The following FCRL4 variants were observed in gnomAD, a reference collection of about 807,000 sequenced individuals.
The protein encoded by FCRL4 is Fc receptor-like protein 4.
A neutral mutation model predicts 64.1 loss-of-function variants in FCRL4; 43 were observed. The observed-to-expected ratio is 0.67, with a 90% CI of 0.53 to 0.87. The LOEUF (loss-of-function observed/expected upper bound fraction) is 0.87, where lower values mean the gene tolerates loss of function less well. Ranked by LOEUF, FCRL4 falls within the 40% of genes least tolerant of loss-of-function variation. The pLI is 0.00. For missense variants in FCRL4, 656 were observed against 613.5 expected (o/e 1.07, Z -0.73); for synonymous variants, 253 against 239.8 (o/e 1.05, Z -0.51).
intron 2 of FCRL4, among the ~76,000 whole-genome samples, chr1:157,592,909 A>C (rs1275205992): frequency 6.6e-6 from 1 of 152,246 alleles, no homozygotes; most frequent in African/African-American, 2.4e-5. Flanking sequence ...TGCAGCCATA[A>C]AAAATGATGA....
chr1:157,575,731 C>T lies in FCRL4; in HGVS notation c.1430-1G>A, dbSNP rs374476793. 63 of 1,613,592 alleles carry T rather than the reference C, an allele frequency of 3.9e-5. No homozygotes were observed. Among genetic ancestry groups the T allele is most frequent in the Non-Finnish European group, 4.8e-5 (57 of 1,179,736 alleles). ...TCTAGAAGTGTCCTGGAGGTATTAG[C>T]TGTGGACAGAAAGAGAATCACTGGA... is the stretch of plus-strand genomic sequence containing the variant. On this transcript the variant is annotated splice_acceptor_variant, in intron 10 of 11. Coordinates refer to ENST00000271532, the MANE Select transcript of FCRL4 (RefSeq NM_031282.3). LOFTEE classifies it high-confidence loss of function.
chr1:157,589,067 G>A, intron 3 of FCRL4, 137 bp downstream of exon 3: 2 of 962,012 alleles, frequency 2.1e-6, no homozygotes, highest in Admixed American at 2.7e-5. Flanking sequence ...GTAGACATTG[G>A]AGGGAAAATA....
At chr1:157,581,407 C>T in intron 7 of FCRL4, 124 bp downstream of exon 7, 2 of 728,156 alleles carry the variant, frequency 2.7e-6, no homozygotes, top group Non-Finnish European at 4.6e-6. Flanking sequence ...TGTGTGAACG[C>T]TGGGAGTGGA....
rs1302854473 is a variant in FCRL4 at position 157,575,284 on chromosome 1, T to A, written c.*240A>T. Reference sequence around the variant, plus strand: ...ATTAGGTCAGGCCCACAGCAAATACTACAGGGTCTTCTCTTAACTGTGGAT... The same window carrying A: ...ATTAGGTCAGGCCCACAGCAAATACAACAGGGTCTTCTCTTAACTGTGGAT... On this transcript the variant is annotated 3_prime_UTR_variant, in exon 12 of 12. Coordinates refer to ENST00000271532, the MANE Select transcript of FCRL4 (RefSeq NM_031282.3). The A allele has an allele frequency of 1.8e-6, 1 of 542,822 alleles. No homozygotes were observed. Among genetic ancestry groups the A allele is most frequent in the South Asian group, 2.1e-5 (1 of 48,224 alleles). 33.6% of individuals were successfully genotyped at this position (542,822 alleles called of 1,614,324 possible). A position where few individuals can be genotyped will look rare whatever the true frequency, so the allele number is the denominator to read the frequency against.
At chr1:157,595,053 C>T (rs1652929944) in intron 2 of FCRL4, among the ~76,000 whole-genome samples, 1 of 152,052 alleles carries the variant, frequency 6.6e-6, no homozygotes, top group Non-Finnish European at 1.5e-5. Context: ...CATGTGCCAC[C>T]ACAACCGGCT....
intron 5 of FCRL4, among the ~76,000 whole-genome samples, chr1:157,587,042 C>G (rs1652716994): frequency 6.6e-6 from 1 of 152,216 alleles, no homozygotes; most frequent in African/African-American, 2.4e-5. Context: ...AACCTAACTC[C>G]ATGAGTCAGC....
In FCRL4 at chr1:157,585,336, T is replaced by TTC. The variant is rs751051677; in HGVS notation, c.1135+830_1135+831dup. ...TTTCCTTCCTTCCTTCTCTCTTTCT[T>TTC]TCTCTCTCTCTTTCTTTCTTTCTTT... On this transcript the variant is annotated intron_variant, in intron 6 of 11. Coordinates refer to ENST00000271532, the MANE Select transcript of FCRL4 (RefSeq NM_031282.3). Among the ~76,000 whole-genome samples, 767 of 129,720 alleles carry TTC rather than the reference T, an allele frequency of 5.9e-3. 16 individuals carry two copies. Among genetic ancestry groups the TTC allele is most frequent in the African/African-American group, 0.018 (561 of 31,586 alleles). The allele number at this position is 129,720 out of a possible 152,430, so 85.1% of individuals were successfully genotyped here.
chr1:157,598,045 C>G lies in FCRL4; in HGVS notation c.-101G>C. The G allele has an allele frequency of 1.3e-6, 1 of 795,114 alleles. No homozygotes were observed. Among genetic ancestry groups the G allele is most frequent in the Non-Finnish European group, 2.2e-6 (1 of 454,436 alleles). The allele number at this position is 795,114 out of a possible 1,614,324, so 49.3% of individuals were successfully genotyped here. On this transcript the variant is annotated 5_prime_UTR_variant, in exon 1 of 12. Coordinates refer to ENST00000271532, the MANE Select transcript of FCRL4 (RefSeq NM_031282.3). Reference sequence around the variant, plus strand: ...TGCCTACACCAGCACCAGCAGTGAGCTCAGTAAGCTTCTTCTCTGCATAAA... The same window carrying G: ...TGCCTACACCAGCACCAGCAGTGAGGTCAGTAAGCTTCTTCTCTGCATAAA...
intron 6 of FCRL4, 36 bp downstream of exon 6, chr1:157,586,132 T>G: frequency 5.8e-6 from 9 of 1,554,528 alleles, no homozygotes; most frequent in Non-Finnish European, 7.9e-6. Context: ...GGAAGTTTGC[T>G]GAGAATAAAT....
At chr1:157,597,694 T>C (rs939449369) in intron 1 of FCRL4, among the ~76,000 whole-genome samples, 1 of 152,218 alleles carries the variant, frequency 6.6e-6, no homozygotes, top group Non-Finnish European at 1.5e-5. Context: ...TGATTTTCCA[T>C]AGGCAATTCA....
chr1:157,585,348 T>TCTTTCTTTCTC, intron 6 of FCRL4, among the ~76,000 whole-genome samples: 1 of 60,964 alleles, frequency 1.6e-5, no homozygotes, highest in South Asian at 4.5e-4. Context: ...CTCTCTCTCT[T>TCTTTCTTTCTC]TCTTTCTTTC....
Position 157,588,272 on chromosome 1 carries a change from C to T in FCRL4, c.308-153G>A, listed in dbSNP as rs1045069845. Among the ~76,000 whole-genome samples, 6 of 152,218 alleles carry T rather than the reference C, an allele frequency of 3.9e-5. No individual in the cohort carries two copies. In the East Asian group the frequency reaches 9.6e-4, roughly 24 times the overall value. On this transcript the variant is annotated intron_variant, in intron 3 of 11. Transcript: ENST00000271532. ...CGAAACTCCTCCTAAATCAGTGTAA[C>T]ATGCTTCAGGTACAATTCCTAAATA...
intron 6 of FCRL4, among the ~76,000 whole-genome samples, chr1:157,585,165 T>C (rs1261289626): frequency 6.6e-6 from 1 of 152,142 alleles, no homozygotes; most frequent in Non-Finnish European, 1.5e-5. Flanking sequence ...TTTTATTGTA[T>C]AGAAAAGCAG....
chr1:157,580,425 C>A, intron 7 of FCRL4, 77 bp from the exon 8 acceptor site: 3 of 1,465,008 alleles, frequency 2.0e-6, no homozygotes, highest in Non-Finnish European at 2.9e-6. Context: ...CAGGAGCTAT[C>A]TAAGAGAGGT....
At chr1:157,595,572 T>G (rs1013794188) in intron 2 of FCRL4, among the ~76,000 whole-genome samples, 1 of 152,250 alleles carries the variant, frequency 6.6e-6, no homozygotes, top group Admixed American at 6.5e-5. Context: ...TTCAAGGCAC[T>G]TTTTGTATTT....
intron 3 of FCRL4, among the ~76,000 whole-genome samples, chr1:157,588,797 C>A (rs991933302): frequency 2.6e-5 from 4 of 152,136 alleles, no homozygotes; most frequent in African/African-American, 9.7e-5. Flanking sequence ...GGACGCATAA[C>A]AACGGGTGGG....
At chr1:157,592,201 C>T (rs1652854232) in intron 2 of FCRL4, among the ~76,000 whole-genome samples, 1 of 152,074 alleles carries the variant, frequency 6.6e-6, no homozygotes, top group Non-Finnish European at 1.5e-5. Context: ...GACTTCATGA[C>T]TAAAACACCA....
chr1:157,575,545 G>GC lies in FCRL4; in HGVS notation c.1526dup (p.Ser509ArgfsTer3). 2 of 1,613,538 alleles carry GC rather than the reference G, an allele frequency of 1.2e-6. No individual in the cohort carries two copies. Among genetic ancestry groups the GC allele is most frequent in the Non-Finnish European group, 1.7e-6 (2 of 1,179,556 alleles). ...TCTCTTAACTTTCTTCATCCTTAGA[G>GC]CTGATCTTTCCAGCTGAGTTATCTG... On this transcript the variant is annotated frameshift_variant, in exon 12 of 12. Coordinates refer to ENST00000271532, the MANE Select transcript of FCRL4 (RefSeq NM_031282.3). LOFTEE classifies it high-confidence loss of function.
chr1:157,592,044 G>A (rs1465055408), intron 2 of FCRL4, among the ~76,000 whole-genome samples: 3 of 152,192 alleles, frequency 2.0e-5, no homozygotes, highest in African/African-American at 7.2e-5. Flanking sequence ...CTAGCCATAT[G>A]TAGAAAGCTG....
Sources: allele counts gnomAD v4.1 joint callset (sites outside exome capture counted in the v4.1 genomes callset), GRCh38; gene constraint gnomAD v4.1.1; transcripts MANE v1.5; gene names NCBI Gene and HGNC (gene_info 2026-07-23, HGNC 2026-07-21).